Variants in ZBTB20 observed in about 807,000 individuals in gnomAD.
The protein encoded by ZBTB20 is zinc finger and BTB domain-containing protein 20.
Under a neutral mutation model 56.9 loss-of-function variants are expected in ZBTB20, and 9 were observed. That is an observed-to-expected ratio of 0.16 (90% CI 0.10 to 0.28). The LOEUF (loss-of-function observed/expected upper bound fraction) is 0.28. ZBTB20 is among the 10% of genes least tolerant of loss of function. The pLI, the probability that ZBTB20 is intolerant of heterozygous loss-of-function variation, is 1.00. For synonymous variants in ZBTB20, 417 were observed against 420.7 expected, an observed-to-expected ratio of 0.99 and a Z score of 0.11; for missense variants, 655 against 1,003.0, an observed-to-expected ratio of 0.65 and a Z score of 4.69.
intron 10 of ZBTB20, among the ~76,000 whole-genome samples, chr3:114,379,434 A>G (rs1016223964): frequency 6.6e-6 from 1 of 152,238 alleles, no homozygotes; most frequent in Non-Finnish European, 1.5e-5. Flanking sequence ...GTATTGGGTT[A>G]CATTTCAGAA....
chr3:114,754,895 C>A, intron 5 of ZBTB20, among the ~76,000 whole-genome samples: 1 of 151,808 alleles, frequency 6.6e-6, no homozygotes, highest in East Asian at 1.9e-4. Flanking sequence ...TATAATAAAC[C>A]CTCATTGATT....
At chr3:114,982,502 A>ATTTATTTTT (rs1295388232) in intron 2 of ZBTB20, among the ~76,000 whole-genome samples, 18 of 152,050 alleles carry the variant, frequency 1.2e-4, no homozygotes, top group African/African-American at 3.9e-4. Context: ...CATGAAGAGA[A>ATTTATTTTT]AAGGCTGACT....
intron 5 of ZBTB20, among the ~76,000 whole-genome samples, chr3:114,799,416 G>A (rs942479180): frequency 1.3e-5 from 2 of 151,812 alleles, no homozygotes; most frequent in Non-Finnish European, 2.9e-5. Context: ...TGGATACCTC[G>A]TATGATATGA....
chr3:114,969,378 G>A (rs753751038), intron 3 of ZBTB20, among the ~76,000 whole-genome samples: 1 of 152,018 alleles, frequency 6.6e-6, no homozygotes, highest in East Asian at 1.9e-4. Flanking sequence ...CTGATACATC[G>A]ATCCTTGAAA....
chr3:114,426,337 C>CAAAAAAAAAAAAAAAA (rs60778829), intron 7 of ZBTB20, among the ~76,000 whole-genome samples: 2 of 109,518 alleles, frequency 1.8e-5, no homozygotes, highest in African/African-American at 8.6e-5. Flanking sequence ...GACTCCATCT[C>CAAAAAAAAAAAAAAAA]AAAAAAAAAA....
chr3:114,754,011 T>C (rs1560210854), intron 5 of ZBTB20, among the ~76,000 whole-genome samples: 1 of 152,178 alleles, frequency 6.6e-6, no homozygotes, highest in Non-Finnish European at 1.5e-5. Context: ...GCTCTTGTCA[T>C]GTTCCTCAGA....
intron 2 of ZBTB20, among the ~76,000 whole-genome samples, chr3:115,014,377 ATAATT>A (rs2079855170): frequency 6.6e-6 from 1 of 151,680 alleles, no homozygotes; most frequent in South Asian, 2.1e-4. Context: ...ATAGTCAAAA[ATAATT>A]TAATTGTACA....
intron 6 of ZBTB20, chr3:114,624,253 A>C (rs2058512448): frequency 6.6e-6 from 1 of 152,094 alleles, no homozygotes; most frequent in Admixed American, 6.6e-5. Flanking sequence ...GCTGAAGCAC[A>C]GAAATTAGGG....
intron 2 of ZBTB20, among the ~76,000 whole-genome samples, chr3:115,048,631 A>T (rs940298342): frequency 1.4e-4 from 21 of 152,204 alleles, no homozygotes; most frequent in Admixed American, 1.3e-3. Context: ...TCACAAAATG[A>T]ATCAAATTCA....
intron 3 of ZBTB20, among the ~76,000 whole-genome samples, chr3:114,960,039 T>C (rs2077391784): frequency 1.3e-5 from 2 of 152,178 alleles, no homozygotes; most frequent in South Asian, 4.1e-4. Flanking sequence ...AGTGGGAATA[T>C]GTATAAAACA....
chr3:114,666,304 G>A (rs2061051020), intron 6 of ZBTB20, among the ~76,000 whole-genome samples: 1 of 151,962 alleles, frequency 6.6e-6, no homozygotes. Context: ...TGCCTCAGTA[G>A]AAATTTTACA....
chr3:114,795,845 G>C (rs1188644555), intron 5 of ZBTB20, among the ~76,000 whole-genome samples: 1 of 152,064 alleles, frequency 6.6e-6, no homozygotes, highest in Non-Finnish European at 1.5e-5. Context: ...GTTGAATAAT[G>C]AATCAATGAT....
chr3:115,055,265 T>G (rs1576664333), intron 2 of ZBTB20, among the ~76,000 whole-genome samples: 1 of 142,586 alleles, frequency 7.0e-6, no homozygotes, highest in East Asian at 2.1e-4. Context: ...TGTCATGTCA[T>G]AAGGACACTC....
intron 4 of ZBTB20, among the ~76,000 whole-genome samples, chr3:114,818,302 G>A (rs942684967): frequency 1.3e-5 from 2 of 151,830 alleles, no homozygotes; most frequent in Admixed American, 6.6e-5. Context: ...TATACCATTA[G>A]GTTATTAAAA....
At chr3:114,600,817 G>A (rs1308868133) in intron 6 of ZBTB20, among the ~76,000 whole-genome samples, 1 of 151,956 alleles carries the variant, frequency 6.6e-6, no homozygotes, top group Non-Finnish European at 1.5e-5. Flanking sequence ...TCTCCCTCCA[G>A]TCTCATCAGA....
chr3:114,593,596 C>A (rs1369440011), intron 6 of ZBTB20, among the ~76,000 whole-genome samples: 1 of 152,088 alleles, frequency 6.6e-6, no homozygotes, highest in African/African-American at 2.4e-5. Flanking sequence ...GTTGGTCAGG[C>A]TGGTCTCGAT....
At chr3:114,530,254 A>C (rs1198641853) in intron 6 of ZBTB20, among the ~76,000 whole-genome samples, 3 of 152,182 alleles carry the variant, frequency 2.0e-5, no homozygotes, top group African/African-American at 4.8e-5. Context: ...TGCCCTATAA[A>C]GGCATACACT....
chr3:114,338,989 G>T lies in ZBTB20; in HGVS notation c.*16C>A. On this transcript the variant is annotated 3_prime_UTR_variant, in exon 12 of 12. Coordinates refer to ENST00000675478, the MANE Select transcript of ZBTB20 (RefSeq NM_001348800.3). ...GTTGTTTTGTTTTGTTCATAAGAAA[G>T]AGAGAAAGATACTACTTATCCGTCA... 6.7e-7 allele frequency: 1 copy of T among 1,488,562 alleles called. No homozygotes were observed. Among genetic ancestry groups the T allele is most frequent in the South Asian group, 1.5e-5 (1 of 68,722 alleles). 92.2% of individuals were successfully genotyped at this position (1,488,562 alleles called of 1,614,324 possible).
chr3:114,741,972 A>C (rs1444194771), intron 5 of ZBTB20, among the ~76,000 whole-genome samples: 1 of 152,194 alleles, frequency 6.6e-6, no homozygotes, highest in Non-Finnish European at 1.5e-5. Context: ...AATCTTTAAG[A>C]AGTAGAGTAT....
Sources: gnomAD v4.1 joint callset for allele counts (sites outside exome capture counted in the v4.1 genomes callset) on GRCh38, gnomAD v4.1.1 for gene constraint, MANE v1.5 for transcripts, NCBI Gene and HGNC (gene_info 2026-07-23, HGNC 2026-07-21) for gene names.